HDAC9: variants seen among roughly 807,000 people sequenced by gnomAD.
The protein encoded by HDAC9 is histone deacetylase 9.
Under a neutral mutation model 139.4 loss-of-function variants are expected in HDAC9, and 41 were observed. The observed-to-expected ratio is 0.29, with a 90% confidence interval of 0.23 to 0.38. HDAC9 has a LOEUF of 0.38. Ranked by LOEUF, HDAC9 falls within the 10% of genes least tolerant of loss-of-function variation. HDAC9 has a pLI of 1.00. For synonymous variants in HDAC9, 517 were observed against 476.2 expected (o/e 1.09, Z -1.12); for missense variants, 1,147 against 1,297.0 (o/e 0.88, Z 1.78).
At chr7:18,745,121 T>C (rs1787820318) in intron 13 of HDAC9, among the ~76,000 whole-genome samples, 1 of 152,170 alleles carries the variant, frequency 6.6e-6, no homozygotes, top group Admixed American at 6.5e-5. Context: ...CAGGCTTATT[T>C]CTCACCCTAT....
At chr7:18,491,178 A>G (rs1796337303), upstream of HDAC9, among the ~76,000 whole-genome samples, 1 of 151,978 alleles carries the variant, frequency 6.6e-6, no homozygotes, top group Non-Finnish European at 1.5e-5. Flanking sequence ...TGAAATCCCA[A>G]AAGATGAAAA....
At chr7:18,723,979 G>A (rs1329739891) in intron 12 of HDAC9, among the ~76,000 whole-genome samples, 1 of 152,056 alleles carries the variant, frequency 6.6e-6, no homozygotes, top group Non-Finnish European at 1.5e-5. Flanking sequence ...CCAGTTTCTG[G>A]TTCAACGAGC....
intron 2 of HDAC9, among the ~76,000 whole-genome samples, chr7:18,549,895 T>C (rs1311816562): frequency 6.6e-6 from 1 of 152,058 alleles, no homozygotes; most frequent in Non-Finnish European, 1.5e-5. Context: ...TTTCTACTTT[T>C]GCAGGATTTT....
At chr7:18,366,822 A>G (rs1292654985) in intron 1 of HDAC9, among the ~76,000 whole-genome samples, 2 of 152,036 alleles carry the variant, frequency 1.3e-5, no homozygotes, top group African/African-American at 4.8e-5. Flanking sequence ...TGACTCTCCT[A>G]TTTTTATGTA....
At chr7:18,191,641 G>A (rs533991765) in intron 2 of HDAC9, among the ~76,000 whole-genome samples, 1 of 152,180 alleles carries the variant, frequency 6.6e-6, no homozygotes, top group African/African-American at 2.4e-5. Context: ...AAATAAAAAT[G>A]TGGCTTGCCA....
intron 24 of HDAC9, among the ~76,000 whole-genome samples, chr7:18,971,693 G>C (rs1183257391): frequency 6.6e-6 from 1 of 152,128 alleles, no homozygotes; most frequent in African/African-American, 2.4e-5. Context: ...TATTTCCCTT[G>C]TTTTTATAGA....
At chr7:18,513,595 G>T (rs747803685) in intron 2 of HDAC9, among the ~76,000 whole-genome samples, 2 of 152,170 alleles carry the variant, frequency 1.3e-5, no homozygotes, top group Non-Finnish European at 2.9e-5. Context: ...GTATTTGGCT[G>T]TTCTCAGAAT....
chr7:18,270,498 T>A (rs574531085), intron 2 of HDAC9, among the ~76,000 whole-genome samples: 1 of 152,200 alleles, frequency 6.6e-6, no homozygotes, highest in African/African-American at 2.4e-5. Flanking sequence ...CTTTCCTTTG[T>A]GGGATATGGT....
intron 11 of HDAC9, among the ~76,000 whole-genome samples, chr7:18,652,357 G>A (rs1361519659): frequency 6.6e-6 from 1 of 151,898 alleles, no homozygotes; most frequent in Non-Finnish European, 1.5e-5. Flanking sequence ...TTTCTCCTGG[G>A]CCCATTTCAA....
In HDAC9 at chr7:18,722,943, T is replaced by A. The variant is rs1043973241; in HGVS notation, c.1732-4637T>A. 3.1e-4 allele frequency among the ~76,000 whole-genome samples: 47 copies of A among 152,318 alleles called. 1 individual carries two copies. The highest frequency in any genetic ancestry group is 3.4e-3 in the Middle Eastern group (1 of 294). On this transcript the variant is annotated intron_variant, in intron 12 of 25. Coordinates refer to ENST00000686413, the MANE Select transcript of HDAC9 (RefSeq NM_178425.4). ...TTTAAATAACATTTACCATTTTTTT[T>A]AATTACAGTTTTAATATAGGTAATA...
intron 11 of HDAC9, among the ~76,000 whole-genome samples, chr7:18,657,832 A>G (rs1422919463): frequency 2.6e-5 from 4 of 152,134 alleles, no homozygotes; most frequent in Non-Finnish European, 5.9e-5. Flanking sequence ...TGTTTGTAGG[A>G]TAAAATCCAA....
At chr7:18,931,591 A>G (rs1033161930) in intron 22 of HDAC9, among the ~76,000 whole-genome samples, 1 of 152,212 alleles carries the variant, frequency 6.6e-6, no homozygotes, top group Non-Finnish European at 1.5e-5. Context: ...CATGGTGAAC[A>G]TCAAGTGCTA....
intron 2 of HDAC9, among the ~76,000 whole-genome samples, chr7:18,524,408 C>G (rs1014048764): frequency 2.0e-5 from 3 of 152,034 alleles, no homozygotes; most frequent in Non-Finnish European, 4.4e-5. Flanking sequence ...CTTCAGCCAT[C>G]GACTTTGTGA....
chr7:18,624,073 C>T (rs377062932), intron 6 of HDAC9, among the ~76,000 whole-genome samples: 2 of 152,270 alleles, frequency 1.3e-5, no homozygotes, highest in South Asian at 4.1e-4. Context: ...CAATTATGTA[C>T]ACAGTCACAC....
chr7:18,164,338 T>G (rs2128128853), intron 2 of HDAC9, among the ~76,000 whole-genome samples: 1 of 152,348 alleles, frequency 6.6e-6, no homozygotes, highest in South Asian at 2.1e-4. Context: ...AGCCTGCATC[T>G]TAGGGTGCCG....
At chr7:18,975,764 G>A (rs1784510596) in intron 24 of HDAC9, 42 bp from the exon 25 acceptor site, 2 of 1,592,030 alleles carry the variant, frequency 1.3e-6, no homozygotes, top group Non-Finnish European at 1.7e-6. Flanking sequence ...TATTACTGCT[G>A]TAATTACAAT....
intron 25 of HDAC9, among the ~76,000 whole-genome samples, chr7:18,993,997 C>G (rs966616738): frequency 3.3e-5 from 5 of 151,986 alleles, no homozygotes; most frequent in Non-Finnish European, 7.3e-5. Context: ...GCAAGTTGCC[C>G]TGTTTCAACC....
At chr7:18,192,185 A>G (rs947140707) in intron 2 of HDAC9, among the ~76,000 whole-genome samples, 11 of 152,112 alleles carry the variant, frequency 7.2e-5, no homozygotes, top group Admixed American at 6.5e-4. Context: ...GGTAAATACT[A>G]TTCTAGAAAG....
At chr7:18,124,753 G>C (rs1490527066) in intron 1 of HDAC9, among the ~76,000 whole-genome samples, 2 of 152,112 alleles carry the variant, frequency 1.3e-5, no homozygotes, top group Non-Finnish European at 2.9e-5. Flanking sequence ...CTTGCCCCCA[G>C]CTGCTGTTAC....
Sources: allele counts gnomAD v4.1 joint callset (sites outside exome capture counted in the v4.1 genomes callset), GRCh38; gene constraint gnomAD v4.1.1; transcripts MANE v1.5; gene names NCBI Gene and HGNC (gene_info 2026-07-23, HGNC 2026-07-21).